The following GREB1L variants were observed in gnomAD, a reference collection of about 807,000 sequenced individuals.
GREB1L encodes GREB1-like protein.
GREB1L carries 17 observed loss-of-function variants against 200.8 expected under a neutral mutation model. The observed-to-expected ratio is 0.08, with a 90% CI of 0.06 to 0.13. The LOEUF (loss-of-function observed/expected upper bound fraction) is 0.13. Ranked by LOEUF, GREB1L falls within the 10% of genes least tolerant of loss-of-function variation. The pLI is 1.00. For synonymous variants in GREB1L, 789 were observed against 893.0 expected, an observed-to-expected ratio of 0.88 and a Z score of 2.08; for missense variants, 1,657 against 2,367.7, an observed-to-expected ratio of 0.70 and a Z score of 6.23.
chr18:21,273,486 T>G (rs2038111579), intron 1 of GREB1L, among the ~76,000 whole-genome samples: 1 of 152,198 alleles, frequency 6.6e-6, no homozygotes, highest in South Asian at 2.1e-4. Context: ...ACTATTTTAA[T>G]TGTCTATTCA....
chr18:21,273,442 A>AT (rs1298502336), intron 1 of GREB1L, among the ~76,000 whole-genome samples: 1 of 152,040 alleles, frequency 6.6e-6, no homozygotes, highest in Admixed American at 6.6e-5. Context: ...AATAAATGAG[A>AT]TTTTTATTTT....
intron 11 of GREB1L, among the ~76,000 whole-genome samples, chr18:21,446,603 A>G (rs886084875): frequency 1.3e-5 from 2 of 152,304 alleles, no homozygotes; most frequent in African/African-American, 4.8e-5. Flanking sequence ...AGCTTTGTAC[A>G]TTGAGACATC....
chr18:21,460,512 A>AT (rs932855194), intron 15 of GREB1L, among the ~76,000 whole-genome samples: 3 of 151,738 alleles, frequency 2.0e-5, no homozygotes, highest in Admixed American at 6.6e-5. Context: ...CACCTGGCTA[A>AT]TTTTTTTTAT....
chr18:21,496,446 T>G lies in GREB1L; in HGVS notation c.3147-8T>G. 6.4e-7 allele frequency: 1 copy of G among 1,551,632 alleles called. No individual in the cohort carries two copies. The highest frequency in any genetic ancestry group is 1.2e-5 in the South Asian group (1 of 84,048). On this transcript the variant is annotated splice_polypyrimidine_tract_variant and splice_region_variant and intron_variant, in intron 20 of 32. Transcript: ENST00000424526. ...AGACTCACCAACAACACAATTACTT[T>G]TGTTCAGGTCTTTGAAGTACTGTGA...
At chr18:21,401,020 C>T (rs1239792520) in intron 5 of GREB1L, 130 bp from the exon 6 acceptor site, 3 of 699,796 alleles carry the variant, frequency 4.3e-6, no homozygotes, top group African/African-American at 3.6e-5. Context: ...GTTTTTTTCC[C>T]TCTGAATTAT....
chr18:21,289,513 A>T (rs1413020766), intron 1 of GREB1L, among the ~76,000 whole-genome samples: 9 of 152,112 alleles, frequency 5.9e-5, no homozygotes, highest in African/African-American at 2.2e-4. Flanking sequence ...ACTGCACTCC[A>T]GCCTGGGAGA....
intron 1 of GREB1L, among the ~76,000 whole-genome samples, chr18:21,292,893 A>G (rs746187797): frequency 3.9e-5 from 6 of 152,228 alleles, no homozygotes; most frequent in Non-Finnish European, 8.8e-5. Flanking sequence ...AGAAGCAAGG[A>G]AGAGAGCACA....
intron 1 of GREB1L, among the ~76,000 whole-genome samples, chr18:21,251,815 C>T (rs1397807492): frequency 2.0e-5 from 3 of 151,942 alleles, no homozygotes; most frequent in Non-Finnish European, 4.4e-5. Context: ...CATGGTGGCG[C>T]ATGCCTGTAA....
At chr18:21,412,020 C>T (rs1161935890) in intron 7 of GREB1L, among the ~76,000 whole-genome samples, 1 of 145,220 alleles carries the variant, frequency 6.9e-6, no homozygotes, top group Admixed American at 7.0e-5. Flanking sequence ...AGTCCTCAGT[C>T]CGGCCTGGGC....
intron 15 of GREB1L, among the ~76,000 whole-genome samples, chr18:21,462,544 G>A (rs562675735): frequency 7.8e-4 from 119 of 152,324 alleles, no homozygotes; most frequent in African/African-American, 2.8e-3. Flanking sequence ...CCGCTTCCCA[G>A]GTTCAAGTGA....
At chr18:21,500,895 C>T (rs2145947840) in intron 23 of GREB1L, among the ~76,000 whole-genome samples, 1 of 151,968 alleles carries the variant, frequency 6.6e-6, no homozygotes, top group South Asian at 2.1e-4. Flanking sequence ...ATGGTGAAAC[C>T]CCATCTCTAC....
chr18:21,347,753 C>T (rs966738791), intron 1 of GREB1L, among the ~76,000 whole-genome samples: 2 of 149,096 alleles, frequency 1.3e-5, no homozygotes, highest in African/African-American at 2.5e-5. Context: ...CCATGCCCAG[C>T]CCCCCGACCT....
chr18:21,243,321 CCTCTAACCGAGG>C (rs951393124), intron 1 of GREB1L, among the ~76,000 whole-genome samples: 1 of 152,186 alleles, frequency 6.6e-6, no homozygotes, highest in African/African-American at 2.4e-5. Flanking sequence ...ACTGCCGCTG[CCTCTAACCGAGG>C]CTGCGGGTCC....
At chr18:21,380,710 A>G (rs1395062749) in intron 2 of GREB1L, 1 of 152,216 alleles carries the variant, frequency 6.6e-6, no homozygotes, top group Non-Finnish European at 1.5e-5. Context: ...CTTTTTCAGA[A>G]TACTGAGGAT....
intron 1 of GREB1L, among the ~76,000 whole-genome samples, chr18:21,307,299 C>T (rs999381853): frequency 1.3e-5 from 2 of 152,214 alleles, no homozygotes; most frequent in African/African-American, 4.8e-5. Context: ...CTGGTAGGAA[C>T]TATGCAGGAA....
chr18:21,460,174 CGTTTTT>C (rs1285897474), intron 15 of GREB1L, among the ~76,000 whole-genome samples: 1 of 146,798 alleles, frequency 6.8e-6, no homozygotes, highest in Non-Finnish European at 1.5e-5. Flanking sequence ...TTTTTGTTTT[CGTTTTT>C]GTTTTTGTTT....
At chr18:21,454,659 T>G (rs768280683) in intron 15 of GREB1L, 96 bp downstream of exon 15, 1 of 913,296 alleles carries the variant, frequency 1.1e-6, no homozygotes, top group South Asian at 1.5e-5. Context: ...AGAGGATGCT[T>G]AAAACCTTCT....
intron 2 of GREB1L, among the ~76,000 whole-genome samples, chr18:21,381,238 T>C (rs960955258): frequency 6.6e-6 from 1 of 150,464 alleles, no homozygotes; most frequent in Non-Finnish European, 1.5e-5. Flanking sequence ...CGAGACTCCG[T>C]CTCAAAAATA....
chr18:21,468,718 T>C (rs765411986), intron 15 of GREB1L: 5 of 456,562 alleles, frequency 1.1e-5, no homozygotes, highest in South Asian at 7.7e-5. Context: ...TCGTTTTTCC[T>C]GTTCCAGGTT....
Sources: gnomAD v4.1 joint callset for allele counts (sites outside exome capture counted in the v4.1 genomes callset) on GRCh38, gnomAD v4.1.1 for gene constraint, MANE v1.5 for transcripts, NCBI Gene and HGNC (gene_info 2026-07-23, HGNC 2026-07-21) for gene names.